Variants in ANKHD1 observed in about 807,000 individuals in gnomAD.
The protein encoded by ANKHD1 is ankyrin repeat and KH domain-containing protein 1.
Under a neutral mutation model 230.5 loss-of-function variants are expected in ANKHD1, and 31 were observed. The ratio of observed to expected loss-of-function variants is 0.13; its 90% CI spans 0.10 to 0.18. The LOEUF (loss-of-function observed/expected upper bound fraction) is 0.18, where lower values mean the gene tolerates loss of function less well. Among genes scored for constraint, ANKHD1 ranks in the 10% least tolerant of loss-of-function variants. The probability of loss-of-function intolerance (pLI) is 1.00; values close to 1 mark genes in which losing one functional copy is unlikely to be tolerated. For synonymous variants in ANKHD1, 1,074 were observed against 1,117.6 expected, an observed-to-expected ratio of 0.96 and a Z score of 0.78; for missense variants, 2,256 against 3,071.3, an observed-to-expected ratio of 0.73 and a Z score of 6.27.
chr5:140,469,586 T>C (rs1358624150), intron 10 of ANKHD1, among the ~76,000 whole-genome samples: 1 of 152,022 alleles, frequency 6.6e-6, no homozygotes, highest in Non-Finnish European at 1.5e-5. Context: ...TAGCGAACTA[T>C]AGAAAACACA....
chr5:140,514,523 G>A (rs1483354984), intron 24 of ANKHD1, among the ~76,000 whole-genome samples: 2 of 152,072 alleles, frequency 1.3e-5, no homozygotes, highest in African/African-American at 2.4e-5. Flanking sequence ...TAGAGTAAAC[G>A]TGTCGCCTAT....
At chr5:140,419,774 TTTTCTTTCTTTCTTTC>T (rs199550424) in intron 1 of ANKHD1, among the ~76,000 whole-genome samples, 3,465 of 86,782 alleles carry the variant, frequency 0.04, 61 homozygotes, top group African/African-American at 0.065. Context: ...TTTCCTTTCT[TTTTCTTTCTTTCTTTC>T]TTTCTTTCTT....
At chr5:140,529,891 C>A in intron 29 of ANKHD1, 95 bp downstream of exon 29, 1 of 1,506,854 alleles carries the variant, frequency 6.6e-7, no homozygotes, top group Non-Finnish European at 8.9e-7. Flanking sequence ...GTAAATCAGT[C>A]ACATATAATG....
intron 15 of ANKHD1, among the ~76,000 whole-genome samples, chr5:140,504,224 T>G (rs939154791): frequency 6.6e-6 from 1 of 151,636 alleles, no homozygotes; most frequent in Admixed American, 6.6e-5. Context: ...TAACTTTCTG[T>G]TTTTTTTAGT....
chr5:140,406,688 C>G (rs1217958544), intron 1 of ANKHD1, among the ~76,000 whole-genome samples: 1 of 151,874 alleles, frequency 6.6e-6, no homozygotes, highest in Non-Finnish European at 1.5e-5. Context: ...GTGCGTGCCA[C>G]CATGCCTGGC....
rs1471328987 is a variant in ANKHD1 at position 140,529,199 on chromosome 5, A to G, written c.6253A>G (p.Ser2085Gly). 3.0e-5 allele frequency: 48 copies of G among 1,614,096 alleles called. No individual in the cohort carries two copies. Among genetic ancestry groups the G allele is most frequent in the Middle Eastern group, 3.3e-4 (2 of 6,084 alleles). ...SNTQEEAQPS[S>G]VSDLSPMSMP... The stretch of plus-strand genomic sequence containing the variant: ...CACACAAGAGGAGGCACAGCCATCC[A>G]GTGTGTCTGATTTAAGTCCTATGTC... The change falls in exon 29 of 34, where the codon AGT becomes GGT. Residue 2085 changes from serine to glycine, a missense_variant. By Grantham distance (56) the Ser-to-Gly change is moderately conservative. Coordinates refer to ENST00000360839, the MANE Select transcript of ANKHD1 (RefSeq NM_017747.3).
At chr5:140,406,582 T>C (rs1770474987) in intron 1 of ANKHD1, among the ~76,000 whole-genome samples, 1 of 150,674 alleles carries the variant, frequency 6.6e-6, no homozygotes, top group South Asian at 2.1e-4. Context: ...TTTTTTGAGA[T>C]GGAGTCTTGT....
At chr5:140,462,724 C>CAAAAAAAAAAAAAAA (rs70988762) in intron 9 of ANKHD1, among the ~76,000 whole-genome samples, 4 of 88,984 alleles carry the variant, frequency 4.5e-5, no homozygotes, top group East Asian at 4.0e-4. Flanking sequence ...GACTCCATCT[C>CAAAAAAAAAAAAAAA]AAAAAAAAAA....
At position 140,443,106 on chromosome 5, in the gene ANKHD1, C is replaced by T. The variant is rs191787947; in HGVS notation, c.913+1964C>T. ...ATTTTTAGTAGAGACGGGGTTTCAC[C>T]GTGTTAGCCAGGATGGTCTCGATCT... On this transcript the variant is annotated intron_variant, in intron 5 of 33. Coordinates refer to ENST00000360839, the MANE Select transcript of ANKHD1 (RefSeq NM_017747.3). Among the ~76,000 whole-genome samples, 778 of 151,778 alleles carry T rather than the reference C, an allele frequency of 5.1e-3. 5 individuals carry two copies. The highest frequency in any genetic ancestry group is 0.018 in the African/African-American group (730 of 41,442).
chr5:140,426,531 T>TA, intron 1 of ANKHD1, among the ~76,000 whole-genome samples: 1 of 151,902 alleles, frequency 6.6e-6, no homozygotes, highest in Admixed American at 6.6e-5. Context: ...TTTATTTATT[T>TA]TTTTATTGAT....
chr5:140,524,159 C>A lies in ANKHD1; in HGVS notation c.4411C>A (p.Gln1471Lys). 1.3e-6 allele frequency: 2 copies of A among 1,597,034 alleles called. No individual in the cohort carries two copies. Among genetic ancestry groups the A allele is most frequent in the Admixed American group, 1.8e-5 (1 of 56,204 alleles). The change falls in exon 25 of 34, where the codon CAG becomes AAG. Residue 1471 changes from glutamine (Q) to lysine (K), a missense_variant. Physicochemically the swap from Gln to Lys is moderately conservative, Grantham distance 53 (BLOSUM62 1). Coordinates refer to ENST00000360839, the MANE Select transcript of ANKHD1 (RefSeq NM_017747.3). ...KKKKEEQKRK[Q>K]EEDEENKPKE... ...GAAAAAAGAGGAACAGAAAAGGAAA[C>A]AGGAAGAAGATGAAGAAAACAAACC...
Position 140,527,805 on chromosome 5 carries a change from A to G in ANKHD1, c.5088-68A>G, listed in dbSNP as rs1753669584. On this transcript the variant is annotated intron_variant, in intron 27 of 33. Transcript: ENST00000360839. The surrounding 1 kb of genome is among the most constrained non-coding windows in gnomAD (Gnocchi z 4.5). Reference sequence around the variant, plus strand: ...CTCCAAAATGTCCATGAACATACTTACTAAGACATCTTTCTTAATAAAGAG... The same window carrying G: ...CTCCAAAATGTCCATGAACATACTTGCTAAGACATCTTTCTTAATAAAGAG... 5.3e-6 allele frequency: 8 copies of G among 1,516,960 alleles called. No individual in the cohort carries two copies. The highest frequency in any genetic ancestry group is 7.1e-6 in the Non-Finnish European group (8 of 1,129,628). The allele number at this position is 1,516,960 out of a possible 1,614,324, so 94.0% of individuals were successfully genotyped here.
At chr5:140,491,160 A>ATTTTTTTTT (rs1222038703) in intron 14 of ANKHD1, among the ~76,000 whole-genome samples, 2 of 45,658 alleles carry the variant, frequency 4.4e-5, no homozygotes, top group Non-Finnish European at 7.2e-5. Context: ...ATATATATAT[A>ATTTTTTTTT]TTTTTTTTTT....
intron 5 of ANKHD1, among the ~76,000 whole-genome samples, chr5:140,441,395 A>G (rs1773834685): frequency 6.6e-6 from 1 of 152,220 alleles, no homozygotes. Flanking sequence ...GACTTAAAAA[A>G]GGAGGAGATC....
intron 10 of ANKHD1, among the ~76,000 whole-genome samples, chr5:140,477,344 T>C (rs959297680): frequency 1.3e-5 from 2 of 152,234 alleles, no homozygotes; most frequent in African/African-American, 4.8e-5. Context: ...ATGAAACTGA[T>C]GAATCAAACA....
chr5:140,404,492 G>T (rs1770252532), intron 1 of ANKHD1, among the ~76,000 whole-genome samples: 1 of 151,642 alleles, frequency 6.6e-6, no homozygotes, highest in African/African-American at 2.4e-5. Flanking sequence ...GAGTGCGGTG[G>T]CTCGATCTTG....
chr5:140,402,149 G>A lies in ANKHD1; in HGVS notation c.182G>A (p.Gly61Asp), dbSNP rs778108331. The change falls in exon 1 of 34, where the codon GGC (glycine) becomes GAC (aspartate). Residue 61 changes from glycine to aspartate, a missense_variant. Transcript: ENST00000360839. ...GPASGVGSSG[G>D]GGSGSGTGGG... is the part of the protein sequence containing the mutation. The stretch of plus-strand genomic sequence containing the variant: ...GCGTCGGGAGTCGGCAGCAGCGGCG[G>A]CGGCGGCAGCGGCAGCGGTACGGGC... 8.7e-5 allele frequency: 133 copies of A among 1,532,798 alleles called. No homozygotes were observed. Among genetic ancestry groups the A allele is most frequent in the Middle Eastern group, 7.1e-4 (4 of 5,650 alleles). The allele number at this position is 1,532,798 out of a possible 1,614,324, so 94.9% of individuals were successfully genotyped here. A position where few individuals can be genotyped will look rare whatever the true frequency, so the allele number is the denominator to read the frequency against.
At chr5:140,418,348 A>G (rs1463043810) in intron 1 of ANKHD1, among the ~76,000 whole-genome samples, 1 of 151,752 alleles carries the variant, frequency 6.6e-6, no homozygotes, top group African/African-American at 2.4e-5. Flanking sequence ...GGGTTTTGTC[A>G]TGTTGCCCAG....
intron 1 of ANKHD1, among the ~76,000 whole-genome samples, chr5:140,434,450 A>G (rs1773288671): frequency 6.7e-6 from 1 of 149,824 alleles, no homozygotes; most frequent in Non-Finnish European, 1.5e-5. Context: ...TACAAATTAC[A>G]TATATGCCAT....
Sources: allele counts gnomAD v4.1 joint callset (sites outside exome capture counted in the v4.1 genomes callset), GRCh38; gene constraint gnomAD v4.1.1; non-coding constraint Gnocchi (gnomAD v3.1); transcripts MANE v1.5; gene names NCBI Gene and HGNC (gene_info 2026-07-23, HGNC 2026-07-21).